The following EFR3B variants were observed in gnomAD, a reference collection of about 807,000 sequenced individuals.
EFR3B encodes EFR3 homolog B, also known as protein EFR3 homolog B.
Under a neutral mutation model 104.7 loss-of-function variants are expected in EFR3B, and 64 were observed. The ratio of observed to expected loss-of-function variants is 0.61; its 90% CI spans 0.50 to 0.75. The LOEUF is 0.75. Among genes scored for constraint, EFR3B ranks in the 30% least tolerant of loss-of-function variants. EFR3B has a pLI of 0.00. For missense variants in EFR3B, 750 were observed against 1,078.5 expected, an observed-to-expected ratio of 0.70 and a Z score of 4.27; for synonymous variants, 385 against 417.9, an observed-to-expected ratio of 0.92 and a Z score of 0.96.
At chr2:25,080,150 T>C in intron 1 of EFR3B, 2 of 1,312,664 alleles carry the variant, frequency 1.5e-6, no homozygotes, top group Non-Finnish European at 1.1e-6. Context: ...CAGTGCATGA[T>C]TCTTCAAAAA....
chr2:25,135,949 G>A (rs1374901121), intron 13 of EFR3B, among the ~76,000 whole-genome samples: 1 of 152,112 alleles, frequency 6.6e-6, no homozygotes, highest in Non-Finnish European at 1.5e-5. Flanking sequence ...GAAGGAAGGG[G>A]ATGCAGGTTA....
chr2:25,044,924 C>T (rs540849919), intron 1 of EFR3B, among the ~76,000 whole-genome samples: 1 of 152,250 alleles, frequency 6.6e-6, no homozygotes, highest in East Asian at 1.9e-4. Context: ...AGAAGGAATC[C>T]TTGTTCTGAG....
At chr2:25,043,235 C>G (rs912422765) in intron 1 of EFR3B, among the ~76,000 whole-genome samples, 2 of 152,196 alleles carry the variant, frequency 1.3e-5, no homozygotes, top group Admixed American at 1.3e-4. Context: ...AGGTCTCTGG[C>G]AGCTCTTCTA....
chr2:25,145,347 G>A (rs1488807068), intron 19 of EFR3B: 1 of 508,074 alleles, frequency 2.0e-6, no homozygotes, highest in Non-Finnish European at 3.5e-6. Flanking sequence ...GAGGCAGGAG[G>A]ACTGCTTGAG....
chr2:25,133,855 A>G (rs1670448956), intron 12 of EFR3B, among the ~76,000 whole-genome samples: 1 of 151,788 alleles, frequency 6.6e-6, no homozygotes, highest in Non-Finnish European at 1.5e-5. Context: ...CATCCTTCCC[A>G]TGCTGTGTTT....
At chr2:25,122,124 G>A (rs1176897775) in intron 5 of EFR3B, among the ~76,000 whole-genome samples, 2 of 151,904 alleles carry the variant, frequency 1.3e-5, no homozygotes, top group African/African-American at 2.4e-5. Flanking sequence ...GCACCACCAC[G>A]CCCGGCTAAT....
At chr2:25,099,908 G>T in intron 3 of EFR3B, among the ~76,000 whole-genome samples, 1 of 150,318 alleles carries the variant, frequency 6.7e-6, no homozygotes, top group Admixed American at 6.6e-5. Context: ...AGCTAATAAA[G>T]AATTTTTAAA....
At chr2:25,100,370 G>A (rs950359502) in intron 3 of EFR3B, among the ~76,000 whole-genome samples, 1 of 152,178 alleles carries the variant, frequency 6.6e-6, no homozygotes, top group Non-Finnish European at 1.5e-5. Flanking sequence ...AAATCCCGTG[G>A]TGGCAGCTTT....
chr2:25,132,409 T>C (rs1206910444), intron 10 of EFR3B, among the ~76,000 whole-genome samples: 1 of 152,144 alleles, frequency 6.6e-6, no homozygotes, highest in Non-Finnish European at 1.5e-5. Flanking sequence ...TGTGTGCTCC[T>C]GGGAGCGGAG....
At position 25,044,621 on chromosome 2, in the gene EFR3B, G is replaced by A. The variant is rs190758903; in HGVS notation, c.7+2302G>A. ...TGACCTCCCCTGTGTGTCCTATAAA[G>A]TCTCATTAGAAAAATACCACCAGGG... On this transcript the variant is annotated intron_variant, in intron 1 of 22. Coordinates refer to ENST00000403714, the MANE Select transcript of EFR3B (RefSeq NM_014971.2). Among the ~76,000 whole-genome samples the A allele has an allele frequency of 5.4e-3, 821 of 152,148 alleles. 7 individuals carry two copies. Among genetic ancestry groups the A allele is most frequent in the African/African-American group, 0.019 (789 of 41,498 alleles).
chr2:25,145,442 C>T (rs1033516240), intron 19 of EFR3B: 6 of 272,668 alleles, frequency 2.2e-5, no homozygotes, highest in South Asian at 1.2e-4. Context: ...GGCATGGTGA[C>T]GTGCACCTGT....
At position 25,115,370 on chromosome 2, in the gene EFR3B, G is replaced by C. The variant is rs79862585; in HGVS notation, c.364-6303G>C. 2.0e-4 allele frequency among the ~76,000 whole-genome samples: 31 copies of C among 152,326 alleles called. 1 individual carries two copies. In the East Asian group the frequency reaches 5.8e-3, roughly 28 times the overall value. ...ACCCAGTGTGAGAATTCCCAAGCCT[G>C]AGGCTCAGCTCCACCTGTCGCAAGC... On this transcript the variant is annotated intron_variant, in intron 4 of 22. Coordinates refer to ENST00000403714, the MANE Select transcript of EFR3B (RefSeq NM_014971.2).
rs1670508271 is a variant in EFR3B, at chr2:25,136,079, G to T, written c.1484+440G>T. ...TGCCTGTAATCTCACACTTTGAGAG[G>T]CCAAGGTGGGATGATCACTTAAGCC... is the stretch of plus-strand genomic sequence containing the variant. On this transcript the variant is annotated intron_variant, in intron 13 of 22. Transcript: ENST00000403714. The surrounding 1 kb of genome is among the most constrained non-coding windows in gnomAD (Gnocchi z 4.0). Among the ~76,000 whole-genome samples the T allele has an allele frequency of 6.6e-6, 1 of 152,156 alleles. No homozygotes were observed. The highest frequency in any genetic ancestry group is 1.5e-5 in the Non-Finnish European group (1 of 68,024).
chr2:25,078,472 G>A (rs1004178280), intron 1 of EFR3B, among the ~76,000 whole-genome samples: 2 of 152,216 alleles, frequency 1.3e-5, no homozygotes, highest in South Asian at 2.1e-4. Context: ...CTTGGTGAAT[G>A]CGGAGGAGGG....
chr2:25,057,949 A>G (rs747414118), intron 1 of EFR3B: 4 of 152,182 alleles, frequency 2.6e-5, no homozygotes, highest in Non-Finnish European at 4.4e-5. Context: ...TATAAAGAGC[A>G]CCTATAACTC....
Position 25,091,402 on chromosome 2 carries a change from G to T in EFR3B, c.84+1G>T. ...CAACATCTTCCCTGAGGATCCCGAG[G>T]TGGGTCATGTCTCTGGCAGGCATCG... On this transcript the variant is annotated splice_donor_variant, in intron 2 of 22. Coordinates refer to ENST00000403714, the MANE Select transcript of EFR3B (RefSeq NM_014971.2). LOFTEE classifies it high-confidence loss of function. 1 of 1,548,988 alleles carries T rather than the reference G, an allele frequency of 6.5e-7. No homozygotes were observed. Among genetic ancestry groups the T allele is most frequent in the Non-Finnish European group, 8.7e-7 (1 of 1,145,982 alleles).
chr2:25,049,535 A>G (rs779767350), intron 1 of EFR3B, among the ~76,000 whole-genome samples: 2 of 152,258 alleles, frequency 1.3e-5, no homozygotes, highest in African/African-American at 4.8e-5. Flanking sequence ...AAAGTTCAGT[A>G]AAGTTGCACT....
Position 25,133,373 on chromosome 2 carries a change from T to C in EFR3B, c.1260-10T>C, listed in dbSNP as rs781014316. 8 of 1,552,398 alleles carry C rather than the reference T, an allele frequency of 5.2e-6. No homozygotes were observed. The South Asian group carries it at 9.5e-5, about 18-fold the overall frequency. On this transcript the variant is annotated splice_polypyrimidine_tract_variant and intron_variant, in intron 11 of 22. Transcript: ENST00000403714. ...CCATCCTGGTGAGTGTTTGTGTCTC[T>C]GGTCTACAGGGAGAATAGGAACCGT...
chr2:25,133,002 C>A lies in EFR3B; in HGVS notation c.1247C>A (p.Thr416Lys). Residue 416 changes from threonine to lysine, a missense_variant, in exon 11 of 23, where the codon ACA (threonine) becomes AAA (lysine). Transcript: ENST00000403714. ...PRPSLHQAVD[T>K]GRTGENRNRL... ...CCATCCCTGCACCAGGCGGTGGACA[C>A]AGGCAGGACGGGGTGAGCCACCAAT... The A allele has an allele frequency of 6.4e-7, 1 of 1,551,576 alleles. No homozygotes were observed. Among genetic ancestry groups the A allele is most frequent in the Non-Finnish European group, 8.7e-7 (1 of 1,146,904 alleles).
Sources: gnomAD v4.1 joint callset for allele counts (sites outside exome capture counted in the v4.1 genomes callset) on GRCh38, gnomAD v4.1.1 for gene constraint, Gnocchi (gnomAD v3.1) non-coding constraint, MANE v1.5 for transcripts, NCBI Gene and HGNC (gene_info 2026-07-23, HGNC 2026-07-21) for gene names.